PTPRO: variants seen among roughly 807,000 people sequenced by gnomAD.
PTPRO encodes the protein receptor-type tyrosine-protein phosphatase O.
A neutral mutation model predicts 145.2 loss-of-function variants in PTPRO; 62 were observed. The ratio of observed to expected loss-of-function variants is 0.43; its 90% CI spans 0.35 to 0.53. The LOEUF (loss-of-function observed/expected upper bound fraction) is 0.53. PTPRO is among the 20% of genes least tolerant of loss of function. The pLI, the probability that PTPRO is intolerant of heterozygous loss-of-function variation, is 0.01. For synonymous variants in PTPRO, 565 were observed against 514.7 expected (o/e 1.10, Z -1.32); for missense variants, 1,345 against 1,482.7 (o/e 0.91, Z 1.53).
chr12:15,515,392 A>G (rs949537142), intron 7 of PTPRO, 106 bp from the exon 8 acceptor site: 4 of 1,457,394 alleles, frequency 2.7e-6, no homozygotes, highest in Non-Finnish European at 1.9e-6. Context: ...CTGGATTTCA[A>G]AGTCATCTGT....
chr12:15,412,229 C>T (rs945919092), intron 1 of PTPRO, among the ~76,000 whole-genome samples: 6 of 152,304 alleles, frequency 3.9e-5, no homozygotes, highest in African/African-American at 7.2e-5. Flanking sequence ...TTTTGAAAAC[C>T]AATTTTTAGA....
At chr12:15,420,038 T>A (rs1462661216) in intron 1 of PTPRO, among the ~76,000 whole-genome samples, 1 of 149,988 alleles carries the variant, frequency 6.7e-6, no homozygotes, top group Non-Finnish European at 1.5e-5. Context: ...TCCCAGCTAC[T>A]CGGGAGGCTG....
At chr12:15,352,649 C>CAAAAAAAAAAAAAAA (rs71042243) in intron 1 of PTPRO, among the ~76,000 whole-genome samples, 1 of 100,416 alleles carries the variant, frequency 1.0e-5, no homozygotes, top group African/African-American at 4.0e-5. Context: ...GACTCTGTCT[C>CAAAAAAAAAAAAAAA]AAAAAAAAAA....
chr12:15,482,581 C>G (rs1392114928), intron 1 of PTPRO, among the ~76,000 whole-genome samples: 1 of 152,098 alleles, frequency 6.6e-6, no homozygotes, highest in Non-Finnish European at 1.5e-5. Flanking sequence ...ATGTTAATCA[C>G]CCTGATTTGC....
intron 1 of PTPRO, among the ~76,000 whole-genome samples, chr12:15,339,171 T>G (rs986240724): frequency 6.6e-6 from 1 of 152,072 alleles, no homozygotes; most frequent in African/African-American, 2.4e-5. Flanking sequence ...AGACAAAAAT[T>G]TAATATAAGT....
chr12:15,563,022 T>G (rs747801754), intron 17 of PTPRO, among the ~76,000 whole-genome samples: 1 of 152,202 alleles, frequency 6.6e-6, no homozygotes, highest in Non-Finnish European at 1.5e-5. Context: ...GTTTTAACTA[T>G]TATAAATCTC....
intron 7 of PTPRO, among the ~76,000 whole-genome samples, chr12:15,513,151 GAAAGAAA>G (rs1432669482): frequency 0.012 from 403 of 32,514 alleles, 30 homozygotes; most frequent in Non-Finnish European, 0.018. Context: ...AAGAAAGAAA[GAAAGAAA>G]AAGAAAGAAA....
intron 1 of PTPRO, among the ~76,000 whole-genome samples, chr12:15,380,698 T>C (rs1331297628): frequency 6.6e-6 from 1 of 152,172 alleles, no homozygotes; most frequent in East Asian, 1.9e-4. Context: ...GAAACATAAA[T>C]GTCACCAATA....
At chr12:15,380,556 T>C (rs994025944) in intron 1 of PTPRO, among the ~76,000 whole-genome samples, 4 of 152,158 alleles carry the variant, frequency 2.6e-5, no homozygotes, top group Non-Finnish European at 5.9e-5. Context: ...TCATTCTAAT[T>C]AAAATTAAAA....
intron 1 of PTPRO, among the ~76,000 whole-genome samples, chr12:15,474,337 A>T (rs1941607985): frequency 6.6e-6 from 1 of 152,126 alleles, no homozygotes; most frequent in African/African-American, 2.4e-5. Context: ...TGTCTCCAGT[A>T]GCTTCTCTCC....
chr12:15,390,811 G>A (rs1464621352), intron 1 of PTPRO, among the ~76,000 whole-genome samples: 1 of 152,174 alleles, frequency 6.6e-6, no homozygotes, highest in Non-Finnish European at 1.5e-5. Context: ...GTCTTAGTCT[G>A]CTCAGGCTAC....
At chr12:15,508,254 C>G (rs960791319) in intron 6 of PTPRO, among the ~76,000 whole-genome samples, 1 of 152,170 alleles carries the variant, frequency 6.6e-6, no homozygotes, top group Non-Finnish European at 1.5e-5. Flanking sequence ...CACATTGCCA[C>G]GCTCACTCTT....
Position 15,578,931 on chromosome 12 carries a change from A to G in PTPRO, c.2908A>G (p.Asn970Asp). ...GAATCGATGTAAAAACCGTTACACAAACATCCTACCATGTAAGATCGTCAA... is the reference window on the plus strand; with the variant it reads ...GAATCGATGTAAAAACCGTTACACAGACATCCTACCATGTAAGATCGTCAA... ...PLNRCKNRYTNILPYDFSRVR... is the reference protein window; with the variant it reads ...PLNRCKNRYTDILPYDFSRVR... Residue 970 changes from asparagine (N) to aspartate (D), a missense_variant, in exon 20 of 27, where the codon AAC (asparagine) becomes GAC (aspartate). Coordinates refer to ENST00000281171, the MANE Select transcript of PTPRO (RefSeq NM_030667.3). 6.3e-7 allele frequency: 1 copy of G among 1,590,922 alleles called. No homozygotes were observed. The highest frequency in any genetic ancestry group is 8.6e-7 in the Non-Finnish European group (1 of 1,158,954).
intron 19 of PTPRO, among the ~76,000 whole-genome samples, chr12:15,570,085 G>A (rs542005176): frequency 7.2e-5 from 11 of 152,176 alleles, no homozygotes; most frequent in African/African-American, 2.2e-4. Flanking sequence ...CTTTTTTTCC[G>A]AAGGACACAT....
chr12:15,494,729 T>C (rs1451212658), intron 2 of PTPRO, among the ~76,000 whole-genome samples: 1 of 152,176 alleles, frequency 6.6e-6, no homozygotes, highest in Non-Finnish European at 1.5e-5. Context: ...AATCCTCCTG[T>C]CTGTCTTGAA....
chr12:15,534,627 A>G (rs1943030437), intron 12 of PTPRO, among the ~76,000 whole-genome samples: 1 of 152,204 alleles, frequency 6.6e-6, no homozygotes, highest in Non-Finnish European at 1.5e-5. Flanking sequence ...TCTGAATAAC[A>G]AGAAGAACCA....
intron 1 of PTPRO, among the ~76,000 whole-genome samples, chr12:15,445,186 T>G (rs928823874): frequency 6.6e-6 from 1 of 152,110 alleles, no homozygotes; most frequent in Non-Finnish European, 1.5e-5. Flanking sequence ...AGTGGTTACT[T>G]CTGGGTAATG....
chr12:15,563,434 C>T (rs1943825133), intron 17 of PTPRO, among the ~76,000 whole-genome samples: 1 of 152,062 alleles, frequency 6.6e-6, no homozygotes, highest in South Asian at 2.1e-4. Context: ...AATGTAGGAA[C>T]ATTTTATCAG....
chr12:15,575,220 C>T (rs938327537), intron 19 of PTPRO, among the ~76,000 whole-genome samples: 5 of 152,158 alleles, frequency 3.3e-5, no homozygotes, highest in African/African-American at 1.2e-4. Context: ...AAGGGAGAAA[C>T]AGGGACTCTC....
Sources: gnomAD v4.1 joint callset for allele counts (sites outside exome capture counted in the v4.1 genomes callset) on GRCh38, gnomAD v4.1.1 for gene constraint, MANE v1.5 for transcripts, NCBI Gene and HGNC (gene_info 2026-07-23, HGNC 2026-07-21) for gene names.